ADK: variants seen among roughly 807,000 people sequenced by gnomAD.
ADK encodes N6,N6-dimethyladenosine kinase.
A neutral mutation model predicts 44.7 loss-of-function variants in ADK; 24 were observed. That is an observed-to-expected ratio of 0.54 (90% CI 0.39 to 0.76). ADK has a LOEUF of 0.76. Among genes scored for constraint, ADK ranks in the 30% least tolerant of loss-of-function variants. The pLI, the probability that ADK is intolerant of heterozygous loss-of-function variation, is 0.00. For synonymous variants in ADK, 128 were observed against 142.6 expected (o/e 0.90, Z 0.73); for missense variants, 321 against 425.1 (o/e 0.76, Z 2.15).
chr10:74,383,147 A>C (rs1211432515), intron 4 of ADK, among the ~76,000 whole-genome samples: 1 of 152,070 alleles, frequency 6.6e-6, no homozygotes, highest in Non-Finnish European at 1.5e-5. Flanking sequence ...TAATAATAAT[A>C]ATTAAAATTT....
At chr10:74,268,298 A>G (rs189976597) in intron 3 of ADK, among the ~76,000 whole-genome samples, 15 of 152,226 alleles carry the variant, frequency 9.9e-5, no homozygotes, top group Non-Finnish European at 2.1e-4. Flanking sequence ...AGCCTAAGCA[A>G]CAGAGCAAGT....
intron 1 of ADK, chr10:74,176,663 C>G: frequency 7.0e-7 from 1 of 1,427,154 alleles, no homozygotes; most frequent in South Asian, 1.5e-5. Flanking sequence ...CGATCTCCAG[C>G]CCTTCGCACG....
chr10:74,322,699 T>C (rs758268245), intron 4 of ADK, among the ~76,000 whole-genome samples: 12 of 151,802 alleles, frequency 7.9e-5, no homozygotes, highest in Non-Finnish European at 1.8e-4. Context: ...TTCCTCCCTT[T>C]TCTCCCTCTC....
intron 6 of ADK, among the ~76,000 whole-genome samples, chr10:74,479,922 T>C (rs894952613): frequency 4.6e-5 from 7 of 152,112 alleles, no homozygotes; most frequent in African/African-American, 1.7e-4. Context: ...CTTTTTAATT[T>C]ATAATTATAA....
At chr10:74,417,683 T>A (rs1844419383) in intron 6 of ADK, among the ~76,000 whole-genome samples, 1 of 151,974 alleles carries the variant, frequency 6.6e-6, no homozygotes, top group African/African-American at 2.4e-5. Flanking sequence ...CATGTTAATT[T>A]CCATAACTAT....
rs1295178417 is a variant in ADK at position 74,677,635 on chromosome 10, A to G, written c.964+7366A>G. Among the ~76,000 whole-genome samples the G allele has an allele frequency of 2.6e-5, 4 of 152,226 alleles. No homozygotes were observed. The East Asian group carries it at 7.7e-4, about 29-fold the overall frequency. On this transcript the variant is annotated intron_variant, in intron 10 of 10. Transcript: ENST00000539909. ...TCAGACTTCTTCACTCAAAAACCAAAACCTTCATATGACCCACATCTGCTG... is the reference window on the plus strand; with the variant it reads ...TCAGACTTCTTCACTCAAAAACCAAGACCTTCATATGACCCACATCTGCTG...
chr10:74,596,452 G>A (rs1027197347), intron 8 of ADK, among the ~76,000 whole-genome samples: 8 of 152,014 alleles, frequency 5.3e-5, no homozygotes, highest in Non-Finnish European at 2.9e-5. Flanking sequence ...GCAATGATAC[G>A]GTCTCAGCTC....
chr10:74,391,736 C>T (rs1238779772), intron 4 of ADK, among the ~76,000 whole-genome samples: 6 of 150,804 alleles, frequency 4.0e-5, no homozygotes, highest in Admixed American at 4.0e-4. Context: ...ATTAACTCTA[C>T]CATCTTAACC....
At chr10:74,518,151 A>G (rs73274115) in intron 6 of ADK, among the ~76,000 whole-genome samples, 4,224 of 152,262 alleles carry the variant, frequency 0.028, 170 homozygotes, top group African/African-American at 0.084. Context: ...TAATTTATTC[A>G]TTCTCTCAGC....
At chr10:74,648,394 C>T (rs1854128122) in intron 9 of ADK, among the ~76,000 whole-genome samples, 1 of 152,044 alleles carries the variant, frequency 6.6e-6, no homozygotes, top group African/African-American at 2.4e-5. Flanking sequence ...AAGGAAAATG[C>T]CTAGGCCGGG....
Position 74,151,328 on chromosome 10 carries a change from C to T in ADK, c.50C>T (p.Ala17Val). 1.9e-6 allele frequency: 3 copies of T among 1,549,560 alleles called. No homozygotes were observed. The highest frequency in any genetic ancestry group is 2.4e-5 in the South Asian group (2 of 83,964). Reference protein sequence around the residue: ...EPKPKKLKVEAPQALRENILF... With the variant: ...EPKPKKLKVEVPQALRENILF... ...AAGCCCAAAAAGCTGAAGGTGGAGG[C>T]GCCGCAAGCGCTGAGGTGAGCGCTG... Residue 17 changes from alanine to valine, a missense_variant, in exon 1 of 11, where the codon GCG (alanine) becomes GTG (valine). Coordinates refer to ENST00000539909, the MANE Select transcript of ADK (RefSeq NM_006721.4).
intron 3 of ADK, among the ~76,000 whole-genome samples, chr10:74,255,366 A>C (rs1413311149): frequency 3.3e-5 from 5 of 152,154 alleles, no homozygotes; most frequent in African/African-American, 1.2e-4. Flanking sequence ...AATGATCACC[A>C]AAAGGAACTG....
intron 10 of ADK, among the ~76,000 whole-genome samples, chr10:74,689,277 AAAAT>A (rs1272183019): frequency 6.6e-6 from 1 of 151,744 alleles, no homozygotes; most frequent in Non-Finnish European, 1.5e-5. Context: ...AATAAATAAT[AAAAT>A]AAATAATAAA....
intron 6 of ADK, among the ~76,000 whole-genome samples, chr10:74,488,659 G>A (rs1847360768): frequency 1.3e-5 from 2 of 149,610 alleles, no homozygotes; most frequent in Non-Finnish European, 1.5e-5. Flanking sequence ...AATTTCAGAT[G>A]TCAGAAATGG....
intron 8 of ADK, among the ~76,000 whole-genome samples, chr10:74,595,404 T>TAAA (rs1851873960): frequency 9.7e-6 from 1 of 103,184 alleles, no homozygotes; most frequent in Non-Finnish European, 1.8e-5. Flanking sequence ...GGGAGGGGGT[T>TAAA]TGGCTTTGTC....
intron 3 of ADK, among the ~76,000 whole-genome samples, chr10:74,275,519 T>A (rs575570134): frequency 6.6e-6 from 1 of 152,256 alleles, no homozygotes; most frequent in African/African-American, 2.4e-5. Flanking sequence ...AATTTCTAAA[T>A]TCCTATGGCT....
At chr10:74,604,735 C>T (rs1379150625) in intron 9 of ADK, among the ~76,000 whole-genome samples, 4 of 152,090 alleles carry the variant, frequency 2.6e-5, no homozygotes, top group Admixed American at 1.3e-4. Flanking sequence ...CTTGGCTATA[C>T]GGGCTCTTTT....
At chr10:74,528,940 A>G (rs527382518) in intron 7 of ADK, among the ~76,000 whole-genome samples, 1 of 152,192 alleles carries the variant, frequency 6.6e-6, no homozygotes. Context: ...ATGGGAATGT[A>G]GAAGACAATT....
At chr10:74,322,531 C>G (rs895400267) in intron 4 of ADK, among the ~76,000 whole-genome samples, 1 of 152,046 alleles carries the variant, frequency 6.6e-6, no homozygotes, top group Non-Finnish European at 1.5e-5. Flanking sequence ...CCTTTCTGTT[C>G]TCTTTCCTTT....
Sources: gnomAD v4.1 joint callset for allele counts (sites outside exome capture counted in the v4.1 genomes callset) on GRCh38, gnomAD v4.1.1 for gene constraint, MANE v1.5 for transcripts, NCBI Gene and HGNC (gene_info 2026-07-23, HGNC 2026-07-21) for gene names.